The following RASGRP1 variants were observed in gnomAD, a reference collection of about 807,000 sequenced individuals.
The protein encoded by RASGRP1 is RAS guanyl releasing protein 1, also known as RAS guanyl-releasing protein 1.
A neutral mutation model predicts 95.1 loss-of-function variants in RASGRP1; 37 were observed. The ratio of observed to expected loss-of-function variants is 0.39; its 90% CI spans 0.30 to 0.51. The LOEUF (loss-of-function observed/expected upper bound fraction) is 0.51. Ranked by LOEUF, RASGRP1 falls within the 20% of genes least tolerant of loss-of-function variation. RASGRP1 has a pLI of 0.80. For missense variants in RASGRP1, 711 were observed against 965.4 expected (o/e 0.74, Z 3.49); for synonymous variants, 325 against 353.4 (o/e 0.92, Z 0.90).
intron 3 of RASGRP1, among the ~76,000 whole-genome samples, chr15:38,520,213 C>T (rs62008291): frequency 0.011 from 1,707 of 152,274 alleles, 20 homozygotes; most frequent in Non-Finnish European, 0.019. Context: ...GCTCTGTGCC[C>T]GCCCGTAAAG....
intron 2 of RASGRP1, among the ~76,000 whole-genome samples, chr15:38,535,370 C>G (rs1892605440): frequency 6.6e-6 from 1 of 152,180 alleles, no homozygotes; most frequent in African/African-American, 2.4e-5. Flanking sequence ...CCCCAGGAAG[C>G]CCTACACCCC....
intron 6 of RASGRP1, among the ~76,000 whole-genome samples, chr15:38,513,886 A>G (rs1891648722): frequency 6.6e-6 from 1 of 152,198 alleles, no homozygotes; most frequent in African/African-American, 2.4e-5. Context: ...AGCCAGCAGA[A>G]TGTTGAGTGG....
At position 38,559,963 on chromosome 15, in the gene RASGRP1, T is replaced by G. The variant is rs762497993; in HGVS notation, c.78A>C (p.Leu26=). ...AGGGGCTGTTGGCTGGCTTTGCCTC[T>G]AGTCTTGCTTTAGAGGCAGCTCTGC... ...HGCRAASKAR[L]EAKPANSPFP... Residue 26 remains leucine (L), a synonymous_variant, in exon 2 of 17, where the codon CTA becomes CTC. Transcript: ENST00000310803. The G allele has an allele frequency of 6.2e-7, 1 of 1,613,336 alleles. No individual in the cohort carries two copies. The highest frequency in any genetic ancestry group is 1.1e-5 in the South Asian group (1 of 90,780).
intron 14 of RASGRP1, among the ~76,000 whole-genome samples, chr15:38,499,798 C>T (rs1202910306): frequency 6.6e-6 from 1 of 152,184 alleles, no homozygotes; most frequent in Non-Finnish European, 1.5e-5. Flanking sequence ...GTAAATGAAT[C>T]CTGGGGGCGG....
intron 3 of RASGRP1, among the ~76,000 whole-genome samples, chr15:38,523,553 T>C (rs192248029): frequency 9.8e-5 from 15 of 152,294 alleles, no homozygotes; most frequent in African/African-American, 3.4e-4. Flanking sequence ...CAATTTAGTA[T>C]AGCCTAAGTA....
At chr15:38,505,016 C>T (rs1379275806) in intron 10 of RASGRP1, 1 of 152,180 alleles carries the variant, frequency 6.6e-6, no homozygotes, top group Admixed American at 6.5e-5. Context: ...TGCCTCTAAC[C>T]TGAAAATGGA....
At chr15:38,520,444 T>C (rs1218024272) in intron 3 of RASGRP1, among the ~76,000 whole-genome samples, 1 of 152,264 alleles carries the variant, frequency 6.6e-6, no homozygotes, top group East Asian at 1.9e-4. Context: ...GTCATAGTAC[T>C]GATCTTTTTT....
Position 38,516,055 on chromosome 15 carries a change from CAG to C in RASGRP1, c.675+140_675+141del, listed in dbSNP as rs2141122183. The stretch of plus-strand genomic sequence containing the variant: ...GGAATTCAGATGGTACTGATTTTTT[CAG>C]ACTCTATGATGTCTGGCAGGAAAGC... On this transcript the variant is annotated intron_variant, in intron 6 of 16. Coordinates refer to ENST00000310803, the MANE Select transcript of RASGRP1 (RefSeq NM_005739.4). 2.1e-5 allele frequency: 20 copies of C among 960,800 alleles called. No homozygotes were observed. In the South Asian group the frequency reaches 3.1e-4, roughly 15 times the overall value. The allele number at this position is 960,800 out of a possible 1,614,324, so 59.5% of individuals were successfully genotyped here.
At chr15:38,491,922 C>T (rs973373574) in intron 16 of RASGRP1, among the ~76,000 whole-genome samples, 10 of 152,152 alleles carry the variant, frequency 6.6e-5, no homozygotes, top group East Asian at 5.8e-4. Flanking sequence ...TCCTTTTCAT[C>T]GGCATGTAAA....
chr15:38,521,560 G>A (rs1348749333), intron 3 of RASGRP1, among the ~76,000 whole-genome samples: 1 of 152,158 alleles, frequency 6.6e-6, no homozygotes, highest in Admixed American at 6.5e-5. Context: ...AGGGAGCAGG[G>A]CACCCTCTTT....
chr15:38,515,207 G>A (rs191145562), intron 6 of RASGRP1, among the ~76,000 whole-genome samples: 12 of 152,294 alleles, frequency 7.9e-5, no homozygotes, highest in African/African-American at 2.6e-4. Context: ...TGTAGTCCTA[G>A]CCCCAGCTTT....
rs564887231 is a variant in RASGRP1 at position 38,488,961 on chromosome 15, A to G, written c.*1593T>C. The G allele has an allele frequency of 4.6e-5, 7 of 152,166 alleles. No homozygotes were observed. Among genetic ancestry groups the G allele is most frequent in the South Asian group, 2.1e-4 (1 of 4,830 alleles). The allele number at this position is 152,166 out of a possible 1,614,324, so 9.4% of individuals were successfully genotyped here. ...TTTATAATGTAATGAAACACTAACT[A>G]CAAGCTAGTTCTATATCACTAAAAC... On this transcript the variant is annotated 3_prime_UTR_variant, in exon 17 of 17. Coordinates refer to ENST00000310803, the MANE Select transcript of RASGRP1 (RefSeq NM_005739.4).
intron 15 of RASGRP1, among the ~76,000 whole-genome samples, chr15:38,498,478 C>A (rs1890884830): frequency 6.6e-6 from 1 of 152,078 alleles, no homozygotes; most frequent in Non-Finnish European, 1.5e-5. Context: ...GGGTTTGGAG[C>A]TGGGGATAGG....
chr15:38,499,054 A>G (rs754750781), intron 14 of RASGRP1, 108 bp from the exon 15 acceptor site: 5 of 1,431,634 alleles, frequency 3.5e-6, no homozygotes, highest in South Asian at 1.2e-5. Flanking sequence ...TGTCTGTTCT[A>G]TCTTCTGGAG....
At chr15:38,500,263 A>C (rs1424162714) in intron 13 of RASGRP1, 124 bp from the exon 14 acceptor site, 3 of 901,828 alleles carry the variant, frequency 3.3e-6, no homozygotes, top group African/African-American at 3.3e-5. Flanking sequence ...AACCTCATTT[A>C]TCTCTCATGT....
At chr15:38,548,263 T>C (rs1270351128) in intron 2 of RASGRP1, among the ~76,000 whole-genome samples, 2 of 152,224 alleles carry the variant, frequency 1.3e-5, no homozygotes, top group Non-Finnish European at 2.9e-5. Context: ...ACACTTTTAA[T>C]TTTAATATAT....
At chr15:38,549,365 G>A (rs1205543716) in intron 2 of RASGRP1, among the ~76,000 whole-genome samples, 1 of 152,184 alleles carries the variant, frequency 6.6e-6, no homozygotes, top group Non-Finnish European at 1.5e-5. Context: ...CTACATTCCA[G>A]CAAGATAGAC....
At chr15:38,531,285 GCC>G (rs769335113) in intron 2 of RASGRP1, among the ~76,000 whole-genome samples, 28 of 152,214 alleles carry the variant, frequency 1.8e-4, no homozygotes, top group Non-Finnish European at 2.6e-4. Context: ...TGATTCCAGA[GCC>G]CCTTCTCTTT....
At chr15:38,504,772 G>A (rs1274763873) in intron 10 of RASGRP1, 2 of 152,160 alleles carry the variant, frequency 1.3e-5, no homozygotes, top group South Asian at 4.1e-4. Flanking sequence ...CAGTAGGTTT[G>A]TTTACACCAG....
Sources: allele counts gnomAD v4.1 joint callset (sites outside exome capture counted in the v4.1 genomes callset), GRCh38; gene constraint gnomAD v4.1.1; transcripts MANE v1.5; gene names NCBI Gene and HGNC (gene_info 2026-07-23, HGNC 2026-07-21).